The following FAM118B variants were observed in gnomAD, a reference collection of about 807,000 sequenced individuals.
FAM118B encodes SIR2 antiphage like 1.
Under a neutral mutation model 38.5 loss-of-function variants are expected in FAM118B, and 24 were observed. The observed-to-expected ratio is 0.62, with a 90% CI of 0.45 to 0.88. The LOEUF (loss-of-function observed/expected upper bound fraction) is 0.88. FAM118B is among the 40% of genes least tolerant of loss of function. The pLI is 0.00. For missense variants in FAM118B, 334 were observed against 420.0 expected, an observed-to-expected ratio of 0.80 and a Z score of 1.79; for synonymous variants, 138 against 156.3, an observed-to-expected ratio of 0.88 and a Z score of 0.87.
At chr11:126,247,838 A>G (rs1487318846) in intron 4 of FAM118B, among the ~76,000 whole-genome samples, 1 of 147,088 alleles carries the variant, frequency 6.8e-6, no homozygotes, top group African/African-American at 2.5e-5. Flanking sequence ...AGCCTGGGTG[A>G]CAGATCGAGA....
At chr11:126,219,216 G>A (rs955393818) in intron 1 of FAM118B, among the ~76,000 whole-genome samples, 9 of 152,018 alleles carry the variant, frequency 5.9e-5, no homozygotes, top group Non-Finnish European at 1.2e-4. Context: ...AAGTAAACAC[G>A]TAAGGACAGA....
intron 3 of FAM118B, among the ~76,000 whole-genome samples, chr11:126,237,221 T>C (rs1950287020): frequency 2.9e-5 from 3 of 103,446 alleles, no homozygotes; most frequent in African/African-American, 1.1e-4. Flanking sequence ...TGGCCTTTTT[T>C]TTTTTTTTTT....
chr11:126,247,050 C>T (rs528339051), intron 4 of FAM118B, among the ~76,000 whole-genome samples: 2 of 152,294 alleles, frequency 1.3e-5, no homozygotes, highest in South Asian at 4.1e-4. Context: ...CCCACCTACA[C>T]AGGAGGCTGA....
chr11:126,239,659 G>A (rs1303684990), intron 3 of FAM118B, among the ~76,000 whole-genome samples: 2 of 152,104 alleles, frequency 1.3e-5, no homozygotes, highest in Non-Finnish European at 2.9e-5. Flanking sequence ...GACTACAGGT[G>A]TGCGCCACCA....
intron 6 of FAM118B, among the ~76,000 whole-genome samples, chr11:126,254,918 T>G (rs1223289864): frequency 6.6e-6 from 1 of 152,238 alleles, no homozygotes; most frequent in Non-Finnish European, 1.5e-5. Context: ...AGAATTTCTC[T>G]TAAGGTGTCA....
chr11:126,262,096 G>T (rs778216820), intron 8 of FAM118B, 24 bp from the exon 9 acceptor site: 29 of 1,613,648 alleles, frequency 1.8e-5, no homozygotes, highest in Non-Finnish European at 2.4e-5. Flanking sequence ...ACTTCATTTT[G>T]TTCTCTTTTC....
intron 7 of FAM118B, among the ~76,000 whole-genome samples, chr11:126,257,464 A>G (rs1468341735): frequency 6.6e-6 from 1 of 152,182 alleles, no homozygotes; most frequent in Non-Finnish European, 1.5e-5. Flanking sequence ...GCCAATATTT[A>G]TTTAATTGAT....
intron 1 of FAM118B, among the ~76,000 whole-genome samples, chr11:126,219,349 CTTTTTTTTTTTTTTTTTTTTTTTTT>C (rs549922825): frequency 9.0e-5 from 4 of 44,414 alleles, no homozygotes; most frequent in Non-Finnish European, 1.2e-4. Flanking sequence ...TCTTGTTTAT[CTTTTTTTTTTTTTTTTTTTTTTTTT>C]TTTTTTTTTT....
At chr11:126,259,178 T>C (rs1950630268) in intron 7 of FAM118B, among the ~76,000 whole-genome samples, 1 of 152,200 alleles carries the variant, frequency 6.6e-6, no homozygotes, top group Non-Finnish European at 1.5e-5. Context: ...CCTTGCATAA[T>C]GTTTTGAGTC....
chr11:126,247,865 A>AT (rs1950437900), intron 4 of FAM118B, among the ~76,000 whole-genome samples: 1 of 146,178 alleles, frequency 6.8e-6, no homozygotes, highest in Non-Finnish European at 1.5e-5. Flanking sequence ...CTCAAAAAAA[A>AT]AATATATATA....
chr11:126,254,781 A>G (rs979536380), intron 6 of FAM118B, among the ~76,000 whole-genome samples: 1 of 152,216 alleles, frequency 6.6e-6, no homozygotes, highest in Non-Finnish European at 1.5e-5. Context: ...AGCTGTGTCT[A>G]GAGCCACTGC....
chr11:126,229,875 C>T (rs976123533), intron 2 of FAM118B, among the ~76,000 whole-genome samples: 1 of 152,224 alleles, frequency 6.6e-6, no homozygotes, highest in Admixed American at 6.5e-5. Flanking sequence ...TGAGGTCTTT[C>T]TCCTTACCTT....
chr11:126,244,784 CAA>C lies in FAM118B; in HGVS notation c.339+3741_339+3742del, dbSNP rs1950400518. ...CTCCACTGCACTCCAGCCTGGGCAACAAGAGCGAAACTCCATCTCAAAAAATA... is the reference window on the plus strand; with the variant it reads ...CTCCACTGCACTCCAGCCTGGGCAACGAGCGAAACTCCATCTCAAAAAATA... On this transcript the variant is annotated intron_variant, in intron 4 of 8. Transcript: ENST00000533050. The surrounding 1 kb of genome is among the most constrained non-coding windows in gnomAD (Gnocchi z 4.5). Among the ~76,000 whole-genome samples the C allele has an allele frequency of 6.6e-6, 1 of 152,232 alleles. No homozygotes were observed. Among genetic ancestry groups the C allele is most frequent in the South Asian group, 2.1e-4 (1 of 4,818 alleles).
intron 4 of FAM118B, among the ~76,000 whole-genome samples, chr11:126,245,893 G>A (rs1362526958): frequency 6.6e-6 from 1 of 151,890 alleles, no homozygotes; most frequent in African/African-American, 2.4e-5. Flanking sequence ...CTACTGGGGA[G>A]GCTGAGGCAG....
chr11:126,245,108 G>C (rs1331740281), intron 4 of FAM118B: 1 of 152,212 alleles, frequency 6.6e-6, no homozygotes, highest in African/African-American at 2.4e-5. Flanking sequence ...TGGAGGGCTT[G>C]AGCCCAGGAG....
chr11:126,232,725 A>T (rs948316348), intron 2 of FAM118B, among the ~76,000 whole-genome samples: 11 of 151,494 alleles, frequency 7.3e-5, no homozygotes, highest in Non-Finnish European at 1.3e-4. Flanking sequence ...TTTTTTTTAA[A>T]AAAATATATT....
At chr11:126,249,755 GAAAA>G (rs1950472705) in intron 4 of FAM118B, among the ~76,000 whole-genome samples, 1 of 111,066 alleles carries the variant, frequency 9.0e-6, no homozygotes, top group African/African-American at 3.0e-5. Flanking sequence ...AAAAAAAAAA[GAAAA>G]AGAAAAGGAG....
chr11:126,241,059 A>C lies in FAM118B; in HGVS notation c.339+15A>C. The C allele has an allele frequency of 6.4e-7, 1 of 1,555,696 alleles. No homozygotes were observed. Among genetic ancestry groups the C allele is most frequent in the Non-Finnish European group, 8.7e-7 (1 of 1,151,388 alleles). On this transcript the variant is annotated intron_variant, in intron 4 of 8. Coordinates refer to ENST00000533050, the MANE Select transcript of FAM118B (RefSeq NM_024556.4). Reference sequence around the variant, plus strand: ...AACTCTCTCCTGTGAGTACCCTAGTATGTGCCACAGTATTTGGAATTTCCT... The same window carrying C: ...AACTCTCTCCTGTGAGTACCCTAGTCTGTGCCACAGTATTTGGAATTTCCT...
At chr11:126,216,703 A>C (rs1447918206) in intron 1 of FAM118B, among the ~76,000 whole-genome samples, 1 of 152,260 alleles carries the variant, frequency 6.6e-6, no homozygotes, top group East Asian at 1.9e-4. Flanking sequence ...GGGTTAAATC[A>C]AGGAATAAAT....
Sources: allele counts gnomAD v4.1 joint callset (sites outside exome capture counted in the v4.1 genomes callset), GRCh38; gene constraint gnomAD v4.1.1; non-coding constraint Gnocchi (gnomAD v3.1); transcripts MANE v1.5; gene names NCBI Gene and HGNC (gene_info 2026-07-23, HGNC 2026-07-21).